The following GATM variants were observed in gnomAD, a reference collection of about 807,000 sequenced individuals.
GATM encodes glycine amidinotransferase, mitochondrial.
Under a neutral mutation model 54.2 loss-of-function variants are expected in GATM, and 23 were observed. The ratio of observed to expected loss-of-function variants is 0.42; its 90% CI spans 0.31 to 0.60. GATM has a LOEUF of 0.60. GATM is among the 20% of genes least tolerant of loss of function. GATM has a pLI of 0.14. For synonymous variants in GATM, 168 were observed against 183.1 expected (o/e 0.92, Z 0.67); for missense variants, 401 against 544.9 (o/e 0.74, Z 2.63).
intron 4 of GATM, among the ~76,000 whole-genome samples, chr15:45,366,813 G>A (rs1889457108): frequency 1.3e-5 from 2 of 152,268 alleles, no homozygotes; most frequent in East Asian, 3.9e-4. Context: ...TATTTTGAGA[G>A]AAACAGAGAG....
Position 45,366,442 on chromosome 15 carries a change from C to T in GATM, c.742G>A (p.Glu248Lys), listed in dbSNP as rs1388250183. 5.0e-6 allele frequency: 8 copies of T among 1,614,062 alleles called. No individual in the cohort carries two copies. Among genetic ancestry groups the T allele is most frequent in the Non-Finnish European group, 6.8e-6 (8 of 1,180,028 alleles). Reference sequence around the variant, plus strand: ...GCAGCATCAAAGCATGGCTCAAACTCAGTTGTCACAAATTTTCCCTGAGCA... The same window carrying T: ...GCAGCATCAAAGCATGGCTCAAACTTAGTTGTCACAAATTTTCCCTGAGCA... ...LAAQGKFVTT[E>K]FEPCFDAADF... The change falls in exon 5 of 9, where the codon GAG becomes AAG. Residue 248 changes from glutamate (E) to lysine (K), a missense_variant. Transcript: ENST00000396659.
intron 4 of GATM, 106 bp from the exon 5 acceptor site, chr15:45,366,614 T>C (rs1028419671): frequency 7.9e-7 from 1 of 1,259,984 alleles, no homozygotes; most frequent in Non-Finnish European, 1.1e-6. Flanking sequence ...TCCCAAAATA[T>C]TACTACTCAG....
chr15:45,377,203 C>CCG, intron 1 of GATM: 1 of 486,234 alleles, frequency 2.1e-6, no homozygotes. Flanking sequence ...CTAAAACTTC[C>CCG]CGCCAGTCTC....
At chr15:45,371,260 C>A (rs1442807701) in intron 2 of GATM, among the ~76,000 whole-genome samples, 1 of 152,098 alleles carries the variant, frequency 6.6e-6, no homozygotes, top group Non-Finnish European at 1.5e-5. Context: ...TAAGAAAAAG[C>A]CTTGAACCTT....
At chr15:45,371,640 T>C (rs1410848869) in intron 2 of GATM, among the ~76,000 whole-genome samples, 2 of 152,210 alleles carry the variant, frequency 1.3e-5, no homozygotes, top group African/African-American at 2.4e-5. Context: ...CTCTGGCAGG[T>C]CACATGCTTG....
At chr15:45,396,632 A>ATTAC in intron 3 of GATM, among the ~76,000 whole-genome samples, 1 of 152,000 alleles carries the variant, frequency 6.6e-6, no homozygotes, top group African/African-American at 2.4e-5. Context: ...ATACTTTGGG[A>ATTAC]AGCTGAGGTG....
chr15:45,382,493 C>G (rs184786671), upstream of GATM, among the ~76,000 whole-genome samples: 310 of 152,196 alleles, frequency 2.0e-3, no homozygotes, highest in African/African-American at 7.1e-3. Flanking sequence ...AAAACCCCAT[C>G]TCTACTAAAA....
intron 2 of GATM, among the ~76,000 whole-genome samples, chr15:45,399,215 A>G (rs1469119702): frequency 1.3e-5 from 2 of 152,256 alleles, no homozygotes; most frequent in Non-Finnish European, 2.9e-5. Flanking sequence ...GGATTTAGGA[A>G]CAGTCTCATT....
rs535736311 is a variant in GATM, at chr15:45,362,239, T to G, written c.1160-18A>C. 1.4e-6 allele frequency: 2 copies of G among 1,441,208 alleles called. No individual in the cohort carries two copies. The highest frequency in any genetic ancestry group is 1.1e-5 in the South Asian group (1 of 87,476). 89.3% of individuals were successfully genotyped at this position (1,441,208 alleles called of 1,614,324 possible). Reference sequence around the variant, plus strand: ...AGTGATACCTGCATTGAAAGAGAGATGAGGTCAGTTAGATGGACTAACATG... The same window carrying G: ...AGTGATACCTGCATTGAAAGAGAGAGGAGGTCAGTTAGATGGACTAACATG... On this transcript the variant is annotated intron_variant, in intron 8 of 8. Transcript: ENST00000396659.
intron 3 of GATM, among the ~76,000 whole-genome samples, chr15:45,396,507 A>G (rs1055494981): frequency 6.6e-6 from 1 of 152,154 alleles, no homozygotes; most frequent in Non-Finnish European, 1.5e-5. Context: ...AGAAATAGAA[A>G]AGAGTAGATG....
At chr15:45,364,726 C>G in intron 7 of GATM, 71 bp downstream of exon 7, 2 of 1,389,322 alleles carry the variant, frequency 1.4e-6, no homozygotes, top group South Asian at 2.3e-5. Flanking sequence ...TTGGGCTGCT[C>G]TCTATAGGAG....
At chr15:45,377,593 C>T (rs1889661104) in intron 1 of GATM, 1 of 271,884 alleles carries the variant, frequency 3.7e-6, no homozygotes, top group Admixed American at 4.9e-5. Context: ...AAACCTCAAC[C>T]CCCCAAATCT....
Position 45,361,786 on chromosome 15 carries a change from G to A in GATM, c.*323C>T. 2.0e-6 allele frequency: 1 copy of A among 490,882 alleles called. No individual in the cohort carries two copies. 30.4% of individuals were successfully genotyped at this position (490,882 alleles called of 1,614,324 possible). ...AACATTTCAAGCTGCCTTTTGGAAA[G>A]AAAATTAAAAACAGAGGTAGATGGT... On this transcript the variant is annotated 3_prime_UTR_variant, in exon 9 of 9. Transcript: ENST00000396659.
intron 3 of GATM, among the ~76,000 whole-genome samples, chr15:45,395,639 A>G (rs973094617): frequency 2.6e-5 from 4 of 152,182 alleles, no homozygotes; most frequent in Non-Finnish European, 4.4e-5. Context: ...AGGACCTCAG[A>G]TTAAGACAAG....
intron 2 of GATM, 75 bp from the exon 3 acceptor site, chr15:45,369,596 C>T (rs930675198): frequency 5.4e-6 from 7 of 1,289,950 alleles, no homozygotes; most frequent in South Asian, 1.2e-5. Context: ...AGGCAGTAAA[C>T]AGCTCTTTGT....
intron 4 of GATM, among the ~76,000 whole-genome samples, chr15:45,366,859 T>C (rs1889457803): frequency 1.3e-5 from 2 of 152,346 alleles, no homozygotes; most frequent in South Asian, 4.1e-4. Context: ...AGTATATTTA[T>C]ATAATTGTTC....
At chr15:45,365,304 C>G (rs1367299792) in intron 6 of GATM, among the ~76,000 whole-genome samples, 2 of 152,222 alleles carry the variant, frequency 1.3e-5, no homozygotes, top group African/African-American at 4.8e-5. Context: ...GCTATGCATT[C>G]TCAAAGAACC....
At chr15:45,395,844 G>C (rs1045866351) in intron 3 of GATM, among the ~76,000 whole-genome samples, 1 of 151,832 alleles carries the variant, frequency 6.6e-6, no homozygotes, top group African/African-American at 2.4e-5. Flanking sequence ...TCCTGGTACA[G>C]AATGAATAAA....
Position 45,366,487 on chromosome 15 carries a change from C to T in GATM, c.697G>A (p.Glu233Lys). 2 of 1,614,064 alleles carry T rather than the reference C, an allele frequency of 1.2e-6. No homozygotes were observed. The highest frequency in any genetic ancestry group is 1.7e-6 in the Non-Finnish European group (2 of 1,179,970). ...YNQDYPIHSVEDRHKLAAQGK... is the reference protein window; with the variant it reads ...YNQDYPIHSVKDRHKLAAQGK... Reference sequence around the variant, plus strand: ...TGAGCAGCCAATTTGTGTCTGTCTTCTACAGAGTGGATGGGATAATCCTAA... The same window carrying T: ...TGAGCAGCCAATTTGTGTCTGTCTTTTACAGAGTGGATGGGATAATCCTAA... The change falls in exon 5 of 9, where the codon GAA becomes AAA. Residue 233 changes from glutamate (E) to lysine (K), a missense_variant. Physicochemically the swap from Glu to Lys is moderately conservative, Grantham distance 56 (BLOSUM62 1). Around this residue, in one of 3 missense-constraint regions of GATM, gnomAD observed 321 missense variants for 457.5 expected, o/e 0.70. Coordinates refer to ENST00000396659, the MANE Select transcript of GATM (RefSeq NM_001482.3).
Sources: gnomAD v4.1 joint callset for allele counts (sites outside exome capture counted in the v4.1 genomes callset) on GRCh38, gnomAD v4.1.1 for gene constraint, gnomAD v4.1.1 regional missense constraint, MANE v1.5 for transcripts, NCBI Gene and HGNC (gene_info 2026-07-23, HGNC 2026-07-21) for gene names.